The following SLC9B1 variants were observed in gnomAD, a reference collection of about 807,000 sequenced individuals.
The protein encoded by SLC9B1 is solute carrier family 9 member B1.
A neutral mutation model predicts 51.7 loss-of-function variants in SLC9B1; 32 were observed. That is an observed-to-expected ratio of 0.62 (90% CI 0.47 to 0.83). The LOEUF (loss-of-function observed/expected upper bound fraction) is 0.83, where lower values mean the gene tolerates loss of function less well. Among genes scored for constraint, SLC9B1 ranks in the 40% least tolerant of loss-of-function variants. SLC9B1 has a pLI of 0.00. For missense variants in SLC9B1, 406 were observed against 613.2 expected, an observed-to-expected ratio of 0.66 and a Z score of 3.57; for synonymous variants, 145 against 212.7, an observed-to-expected ratio of 0.68 and a Z score of 2.77.
At chr4:102,989,078 C>T (rs530089535) in intron 3 of SLC9B1, among the ~76,000 whole-genome samples, 8 of 151,766 alleles carry the variant, frequency 5.3e-5, no homozygotes, top group African/African-American at 1.2e-4. Flanking sequence ...AATATACTGA[C>T]GTAAATTAAA....
At position 102,932,177 on chromosome 4, in the gene SLC9B1, T is replaced by C; in HGVS notation, c.776A>G (p.Asp259Gly). The C allele has an allele frequency of 6.2e-7, 1 of 1,612,004 alleles. No homozygotes were observed. Among genetic ancestry groups the C allele is most frequent in the Non-Finnish European group, 8.5e-7 (1 of 1,179,818 alleles). Residue 259 changes from aspartate to glycine, a missense_variant, in exon 7 of 12, where the codon GAC becomes GGC. Physicochemically the swap from Asp to Gly is moderately conservative, Grantham distance 94 (BLOSUM62 -1). Coordinates refer to ENST00000296422, the MANE Select transcript of SLC9B1 (RefSeq NM_139173.4). Reference sequence around the variant, plus strand: ...ATTGAATCCAGTGATAGCCAGAATGTCATCCATACTGCTAGCAGCCATTAA... The same window carrying C: ...ATTGAATCCAGTGATAGCCAGAATGCCATCCATACTGCTAGCAGCCATTAA... ...TLLMAASSMDDILAITGFNTC... is the reference protein window; with the variant it reads ...TLLMAASSMDGILAITGFNTC...
Position 102,991,688 on chromosome 4 carries a change from A to G in SLC9B1, c.24T>C (p.Asn8=). 1 of 1,588,106 alleles carries G rather than the reference A, an allele frequency of 6.3e-7. No homozygotes were observed. Among genetic ancestry groups the G allele is most frequent in the South Asian group, 1.1e-5 (1 of 87,814 alleles). Residue 8 remains asparagine, a synonymous_variant, in exon 2 of 12, where the codon AAT becomes AAC. Transcript: ENST00000296422. ...GGAAGTTTTCATCCTCCAAATGTTC[A>G]TTTTTTGATTCTGTGGTATGCATGC... MHTTESK[N]EHLEDENFQT...
chr4:103,000,412 T>C (rs1740458150), intron 1 of SLC9B1, among the ~76,000 whole-genome samples: 1 of 152,204 alleles, frequency 6.6e-6, no homozygotes, highest in Non-Finnish European at 1.5e-5. Flanking sequence ...CATTCCAGCA[T>C]TAACTCAAAA....
chr4:102,940,972 C>A (rs11724035), intron 6 of SLC9B1, among the ~76,000 whole-genome samples: 83,192 of 151,918 alleles, frequency 0.55, 23,358 homozygotes, highest in African/African-American at 0.68. Flanking sequence ...ACAAAAATCA[C>A]CTCAAGATAG....
chr4:102,892,764 T>G (rs1734316072), intron 11 of SLC9B1: 2 of 152,194 alleles, frequency 1.3e-5, no homozygotes, highest in Non-Finnish European at 2.9e-5. Flanking sequence ...TAATTAGAGA[T>G]AACCCTGTAC....
At chr4:102,963,610 C>G (rs1738259559) in intron 3 of SLC9B1, among the ~76,000 whole-genome samples, 1 of 151,912 alleles carries the variant, frequency 6.6e-6, no homozygotes, top group South Asian at 2.1e-4. Flanking sequence ...TTGACAAATA[C>G]CATTCTGAAG....
At chr4:102,998,592 C>A (rs979597133) in intron 1 of SLC9B1, among the ~76,000 whole-genome samples, 1 of 141,312 alleles carries the variant, frequency 7.1e-6, no homozygotes, top group Non-Finnish European at 1.5e-5. Context: ...TTGGAGGAAC[C>A]ATCATCATAT....
intron 11 of SLC9B1, chr4:102,889,616 A>ACTCT (rs1734134066): frequency 6.8e-6 from 1 of 147,036 alleles, no homozygotes; most frequent in African/African-American, 2.5e-5. Flanking sequence ...AGATGGTTGT[A>ACTCT]CTCTCAGAAT....
At chr4:102,918,492 A>G (rs1735700122) in intron 7 of SLC9B1, among the ~76,000 whole-genome samples, 1 of 152,226 alleles carries the variant, frequency 6.6e-6, no homozygotes, top group African/African-American at 2.4e-5. Flanking sequence ...CAACATAATG[A>G]GAAACGGTCA....
intron 7 of SLC9B1, among the ~76,000 whole-genome samples, chr4:102,922,075 C>A (rs985428831): frequency 2.6e-5 from 4 of 152,292 alleles, no homozygotes; most frequent in African/African-American, 9.6e-5. Flanking sequence ...TAGATATCTA[C>A]AGAACTCTCC....
At chr4:102,960,871 T>C (rs1039172291) in intron 3 of SLC9B1, among the ~76,000 whole-genome samples, 1 of 152,058 alleles carries the variant, frequency 6.6e-6, no homozygotes, top group Admixed American at 6.5e-5. Context: ...TAGCTGGGAT[T>C]ACAGGCATGC....
At chr4:102,930,918 C>T (rs1736416023) in intron 7 of SLC9B1, among the ~76,000 whole-genome samples, 2 of 151,828 alleles carry the variant, frequency 1.3e-5, no homozygotes, top group South Asian at 4.2e-4. Context: ...AAGTGTAAAA[C>T]AATTCAGGTT....
chr4:102,917,445 C>CTATATA (rs1331909738), intron 7 of SLC9B1, among the ~76,000 whole-genome samples: 3 of 65,854 alleles, frequency 4.6e-5, no homozygotes, highest in African/African-American at 1.9e-4. Flanking sequence ...ATATCTATAT[C>CTATATA]TATATCTATA....
chr4:102,912,460 G>GT (rs1238537137), intron 7 of SLC9B1, among the ~76,000 whole-genome samples: 1 of 151,996 alleles, frequency 6.6e-6, no homozygotes, highest in Non-Finnish European at 1.5e-5. Context: ...ATCCATACTT[G>GT]TAGTTCATTG....
In SLC9B1 at chr4:102,939,122, G is replaced by T. The variant is rs1206652869; in HGVS notation, c.653+6071C>A. ...TCGAGAGAATAAATAAATTGGATAG[G>T]TCACTAGCTAGACCAATAAGGAAAA... is the stretch of plus-strand genomic sequence containing the variant. On this transcript the variant is annotated intron_variant, in intron 6 of 11. Transcript: ENST00000296422. Among the ~76,000 whole-genome samples the T allele has an allele frequency of 2.7e-5, 4 of 150,324 alleles. No homozygotes were observed. The East Asian group carries it at 7.8e-4, about 29-fold the overall frequency.
chr4:102,983,224 T>C (rs966519979), intron 3 of SLC9B1, among the ~76,000 whole-genome samples: 1 of 152,200 alleles, frequency 6.6e-6, no homozygotes, highest in Non-Finnish European at 1.5e-5. Flanking sequence ...TAATCTCATA[T>C]ATCTGGGATA....
At chr4:102,969,866 A>G (rs1738655306) in intron 3 of SLC9B1, among the ~76,000 whole-genome samples, 1 of 152,336 alleles carries the variant, frequency 6.6e-6, no homozygotes, top group African/African-American at 2.4e-5. Flanking sequence ...AGCTGATTCG[A>G]TCAAGTGGAA....
At chr4:102,923,884 C>G (rs7665655) in intron 7 of SLC9B1, among the ~76,000 whole-genome samples, 83,120 of 151,934 alleles carry the variant, frequency 0.55, 23,315 homozygotes, top group African/African-American at 0.68. Flanking sequence ...GAACTACAAA[C>G]CACTTCTCAA....
chr4:102,967,190 C>T (rs1020978187), intron 3 of SLC9B1, among the ~76,000 whole-genome samples: 8 of 149,940 alleles, frequency 5.3e-5, no homozygotes, highest in African/African-American at 2.5e-5. Context: ...AACTTTCTCT[C>T]GTCTTTTTGT....
Sources: gnomAD v4.1 joint callset for allele counts (sites outside exome capture counted in the v4.1 genomes callset) on GRCh38, gnomAD v4.1.1 for gene constraint, MANE v1.5 for transcripts, NCBI Gene and HGNC (gene_info 2026-07-23, HGNC 2026-07-21) for gene names.